The following RIF1 variants were observed in gnomAD, a reference collection of about 807,000 sequenced individuals.
The protein encoded by RIF1 is telomere-associated protein RIF1.
RIF1 carries 45 observed loss-of-function variants against 247.1 expected under a neutral mutation model. The ratio of observed to expected loss-of-function variants is 0.18; its 90% CI spans 0.14 to 0.23. RIF1 has a LOEUF of 0.23. Ranked by LOEUF, RIF1 falls within the 10% of genes least tolerant of loss-of-function variation. RIF1 has a pLI of 1.00. For synonymous variants in RIF1, 1,087 were observed against 978.8 expected (o/e 1.11, Z -2.06); for missense variants, 2,967 against 2,862.5 (o/e 1.04, Z -0.83).
chr2:151,486,063 C>A, downstream of RIF1: 1 of 933,738 alleles, frequency 1.1e-6, no homozygotes, highest in Non-Finnish European at 1.6e-6. Context: ...GTGCAAGCAT[C>A]AACAAAGTAA....
Position 151,464,661 on chromosome 2 carries a change from A to G in RIF1, c.5141A>G (p.Gln1714Arg). Residue 1714 changes from glutamine to arginine, a missense_variant, in exon 30 of 36, where the codon CAA (glutamine) becomes CGA (arginine). By Grantham distance (43) the Gln-to-Arg change is conservative. Coordinates refer to ENST00000444746, the MANE Select transcript of RIF1 (RefSeq NM_018151.5). ...DISSLSEKTF[Q>R]TLECQHKRSR... Reference sequence around the variant, plus strand: ...TCTTCGCTTTCAGAAAAAACTTTTCAAACACTTGAATGCCAACACAAGAGA... The same window carrying G: ...TCTTCGCTTTCAGAAAAAACTTTTCGAACACTTGAATGCCAACACAAGAGA... 1 of 1,613,224 alleles carries G rather than the reference A, an allele frequency of 6.2e-7. No homozygotes were observed. Among genetic ancestry groups the G allele is most frequent in the Non-Finnish European group, 8.5e-7 (1 of 1,179,494 alleles).
chr2:151,455,314 A>G (rs185310137), intron 22 of RIF1, among the ~76,000 whole-genome samples, 155 bp downstream of exon 22: 104 of 152,336 alleles, frequency 6.8e-4, no homozygotes, highest in Non-Finnish European at 1.4e-3. Context: ...AGATAGTTAA[A>G]ATAGTATAGA....
At position 151,478,034 on chromosome 2, in the gene RIF1, ATT is replaced by A. The variant is rs1432252702; in HGVS notation, c.*2966_*2967del. 2 of 152,192 alleles carry A rather than the reference ATT, an allele frequency of 1.3e-5. No individual in the cohort carries two copies. Among genetic ancestry groups the A allele is most frequent in the African/African-American group, 4.8e-5 (2 of 41,448 alleles). The allele number at this position is 152,192 out of a possible 1,614,324, so 9.4% of individuals were successfully genotyped here. ...CATCATTTCCATATCTATGAAATCT[ATT>A]TTGGATTTTAGAGTGGATTTAAATT... On this transcript the variant is annotated 3_prime_UTR_variant, in exon 36 of 36. Transcript: ENST00000444746.
exon 14 of RIF1, chr2:151,507,911 A>G: frequency 1.2e-6 from 1 of 842,984 alleles, no homozygotes; most frequent in Non-Finnish European, 2.0e-6. Flanking sequence ...AGGGCTGCAC[A>G]ACAGCCCCAC....
the RIF1 span, chr2:151,526,999 C>A: frequency 6.2e-7 from 1 of 1,600,722 alleles, no homozygotes. Flanking sequence ...CCTTGAGGAA[C>A]TCCCGGTCCA....
At chr2:151,443,386 ATTAT>A (rs1269719832) in intron 17 of RIF1, 57 bp downstream of exon 17, 16 of 1,331,826 alleles carry the variant, frequency 1.2e-5, no homozygotes, top group Admixed American at 2.1e-5. Flanking sequence ...AATGAATGAG[ATTAT>A]TTATGTACTA....
intron 7 of RIF1, among the ~76,000 whole-genome samples, chr2:151,422,044 C>G (rs1029921889): frequency 6.6e-6 from 1 of 151,944 alleles, no homozygotes; most frequent in Non-Finnish European, 1.5e-5. Flanking sequence ...ATTGGCCAGG[C>G]TGGTCTCGAA....
chr2:151,424,676 C>CT (rs952087242), intron 8 of RIF1, among the ~76,000 whole-genome samples: 15 of 151,560 alleles, frequency 9.9e-5, no homozygotes, highest in African/African-American at 3.4e-4. Context: ...GCTCCAAACT[C>CT]TTTTTTTGAG....
the RIF1 span, chr2:151,514,542 G>A: frequency 1.2e-6 from 1 of 833,542 alleles, no homozygotes; most frequent in South Asian, 1.4e-5. Flanking sequence ...AGTTTAGTAA[G>A]TAAAAATATG....
intron 35 of RIF1, 114 bp from the exon 36 acceptor site, chr2:151,474,743 A>C (rs963407350): frequency 6.0e-6 from 4 of 665,922 alleles, no homozygotes; most frequent in African/African-American, 1.8e-5. Flanking sequence ...ATGAAGACTT[A>C]AGCCTGCTCT....
At chr2:151,498,367 A>G in intron 10 of RIF1, 1 of 1,521,624 alleles carries the variant, frequency 6.6e-7, no homozygotes, top group Non-Finnish European at 8.9e-7. Context: ...ATGATGAGAA[A>G]GCATCCAGAA....
intron 9 of RIF1, chr2:151,492,326 T>A (rs1223481796): frequency 6.3e-7 from 1 of 1,596,698 alleles, no homozygotes; most frequent in African/African-American, 1.3e-5. Context: ...ATGGTGTGAC[T>A]ATATCCCTTT....
chr2:151,533,668 T>C, the RIF1 span: 1 of 635,602 alleles, frequency 1.6e-6, no homozygotes, highest in Non-Finnish European at 2.8e-6. Context: ...TGTACTCACA[T>C]ATGTGCGGGT....
intron 11 of RIF1, among the ~76,000 whole-genome samples, chr2:151,502,058 C>T (rs1391634629): frequency 1.3e-5 from 2 of 152,088 alleles, no homozygotes; most frequent in Non-Finnish European, 2.9e-5. Flanking sequence ...TTAAGAAAAG[C>T]TGCAAACCAG....
In RIF1 at chr2:151,445,410, G is replaced by A. The variant is rs745851701; in HGVS notation, c.2059G>A (p.Val687Ile). 6.2e-7 allele frequency: 1 copy of A among 1,603,584 alleles called. No individual in the cohort carries two copies. Among genetic ancestry groups the A allele is most frequent in the South Asian group, 1.1e-5 (1 of 90,852 alleles). Reference sequence around the variant, plus strand: ...CATCTATGGTGCATTGACTTTACCAGTAAACCACATTTTTTCAGAACAGAG... The same window carrying A: ...CATCTATGGTGCATTGACTTTACCAATAAACCACATTTTTTCAGAACAGAG... ...SAIYGALTLP[V>I]NHIFSEQRFP... is the part of the protein sequence containing the mutation. The change falls in exon 19 of 36, where the codon GTA becomes ATA. Residue 687 changes from valine (V) to isoleucine (I), a missense_variant. This residue lies in a region of RIF1 where 76 missense variants were observed against 113.3 expected (regional missense o/e 0.67). Coordinates refer to ENST00000444746, the MANE Select transcript of RIF1 (RefSeq NM_018151.5).
intron 3 of RIF1, among the ~76,000 whole-genome samples, chr2:151,413,722 A>G (rs1686690596): frequency 6.6e-6 from 1 of 152,210 alleles, no homozygotes; most frequent in Non-Finnish European, 1.5e-5. Context: ...TCTGTACTCT[A>G]GGATTTGCAT....
At chr2:151,520,395 GA>G in the RIF1 span, among the ~76,000 whole-genome samples, 293 of 152,122 alleles carry the variant, frequency 1.9e-3, 1 homozygote, top group African/African-American at 6.7e-3. Context: ...AGAATAATGA[GA>G]AAAAATAAGA....
chr2:151,418,533 C>G (rs1687602367), intron 6 of RIF1, among the ~76,000 whole-genome samples: 2 of 151,760 alleles, frequency 1.3e-5, no homozygotes, highest in South Asian at 4.2e-4. Context: ...AATTTTTAAA[C>G]TTTTTGACTT....
Position 151,443,298 on chromosome 2 carries a change from A to C in RIF1, c.1774A>C (p.Asn592His), listed in dbSNP as rs1387612222. ...ALFLIQLIFN[N>H]FLECGVSDER... is the part of the protein sequence containing the mutation. ...GTTCTTAATTCAATTAATTTTCAAC[A>C]ATTTCTTGGAATGTGGTGTATCAGA... is the stretch of plus-strand genomic sequence containing the variant. Residue 592 changes from asparagine to histidine, a missense_variant, in exon 17 of 36, where the codon AAT (asparagine) becomes CAT (histidine). This residue lies in a region of RIF1 where 369 missense variants were observed against 322.0 expected (regional missense o/e 1.15). Transcript: ENST00000444746. The C allele has an allele frequency of 1.9e-6, 3 of 1,601,674 alleles. No individual in the cohort carries two copies. Among genetic ancestry groups the C allele is most frequent in the Non-Finnish European group, 2.6e-6 (3 of 1,170,262 alleles).
Sources: gnomAD v4.1 joint callset for allele counts (sites outside exome capture counted in the v4.1 genomes callset) on GRCh38, gnomAD v4.1.1 for gene constraint, gnomAD v4.1.1 regional missense constraint, MANE v1.5 for transcripts, NCBI Gene and HGNC (gene_info 2026-07-23, HGNC 2026-07-21) for gene names.